PRDM10: variants seen among roughly 807,000 people sequenced by gnomAD.
PRDM10 encodes the protein PR/SET domain 10.
PRDM10 carries 65 observed loss-of-function variants against 133.1 expected under a neutral mutation model. That is an observed-to-expected ratio of 0.49 (90% confidence interval 0.40 to 0.60). The LOEUF is 0.60. PRDM10 is among the 20% of genes least tolerant of loss of function. The pLI, the probability that PRDM10 is intolerant of heterozygous loss-of-function variation, is 0.00. For synonymous variants in PRDM10, 582 were observed against 580.4 expected (o/e 1.00, Z -0.04); for missense variants, 1,137 against 1,507.1 (o/e 0.75, Z 4.07).
At chr11:129,970,931 C>T (rs1952007597) in intron 1 of PRDM10, among the ~76,000 whole-genome samples, 2 of 152,152 alleles carry the variant, frequency 1.3e-5, no homozygotes, top group South Asian at 4.1e-4. Context: ...TCACTTGTCA[C>T]ATCCTAAAGC....
chr11:129,916,806 T>C (rs546718877), intron 15 of PRDM10, among the ~76,000 whole-genome samples: 37 of 152,330 alleles, frequency 2.4e-4, no homozygotes, highest in African/African-American at 8.9e-4. Context: ...TAGGTCATGA[T>C]AAATGCTCTC....
chr11:129,932,479 C>G (rs146576968), intron 9 of PRDM10, among the ~76,000 whole-genome samples: 1 of 152,296 alleles, frequency 6.6e-6, no homozygotes, highest in African/African-American at 2.4e-5. Flanking sequence ...AAATTCAAAG[C>G]ACTGACAATA....
At chr11:129,989,685 G>A (rs1938626073) in intron 1 of PRDM10, among the ~76,000 whole-genome samples, 1 of 152,124 alleles carries the variant, frequency 6.6e-6, no homozygotes, top group South Asian at 2.1e-4. Context: ...TAAGTAGTAA[G>A]CTGTTTCCTC....
Position 129,925,080 on chromosome 11 carries a change from G to T in PRDM10, c.1680C>A (p.Leu560=). 3.1e-6 allele frequency: 5 copies of T among 1,614,232 alleles called. No individual in the cohort carries two copies. Among genetic ancestry groups the T allele is most frequent in the Non-Finnish European group, 4.2e-6 (5 of 1,180,044 alleles). ...TGCTGCTGATGAAGCCCTTGTTACA[G>T]AGATCACAGGTCAGTGGGCAGTTCC... is the stretch of plus-strand genomic sequence containing the variant. ...REGNCPLTCD[L]CNKGFISSTS... is the part of the protein sequence containing the mutation. The change falls in exon 12 of 21, where the codon CTC becomes CTA. Residue 560 remains leucine, a synonymous_variant. Transcript: ENST00000360871.
chr11:129,984,515 G>A (rs529956448), intron 1 of PRDM10, among the ~76,000 whole-genome samples: 2 of 151,596 alleles, frequency 1.3e-5, no homozygotes, highest in South Asian at 2.1e-4. Context: ...TCCCTGCCTC[G>A]GCCTCGGCCC....
At chr11:129,995,015 A>G (rs1455412102) in intron 1 of PRDM10, among the ~76,000 whole-genome samples, 1 of 152,246 alleles carries the variant, frequency 6.6e-6, no homozygotes, top group African/African-American at 2.4e-5. Flanking sequence ...TTACTATGAC[A>G]TAATTTCATT....
chr11:129,931,899 C>A (rs1950880843), intron 10 of PRDM10, among the ~76,000 whole-genome samples: 1 of 152,186 alleles, frequency 6.6e-6, no homozygotes, highest in Non-Finnish European at 1.5e-5. Context: ...TTTAGAGCAG[C>A]AAAGTTGGGT....
At chr11:129,979,709 T>C (rs7111894) in intron 1 of PRDM10, among the ~76,000 whole-genome samples, 28,081 of 152,126 alleles carry the variant, frequency 0.18, 2,820 homozygotes, top group African/African-American at 0.27. Context: ...GCTCACATCC[T>C]CATCCCTTCC....
rs761665298 is a variant in PRDM10, at chr11:129,914,734, G to C, written c.2811C>G (p.His937Gln). The C allele has an allele frequency of 6.2e-7, 1 of 1,614,258 alleles. No homozygotes were observed. Among genetic ancestry groups the C allele is most frequent in the South Asian group, 1.1e-5 (1 of 91,090 alleles). ...CCACTTGAACCACTTGCAGCTGTAT[G>C]TGCTGAGGCTGCTGGAGGCCAGACG... is the stretch of plus-strand genomic sequence containing the variant. ...QSASGLQQPQ[H>Q]IQLQVVQVAS... Residue 937 changes from histidine (H) to glutamine (Q), a missense_variant, in exon 17 of 21, where the codon CAC (histidine) becomes CAG (glutamine). By Grantham distance (24) the His-to-Gln change is conservative. Transcript: ENST00000360871.
At chr11:129,955,769 G>A (rs948906961) in intron 3 of PRDM10, among the ~76,000 whole-genome samples, 198 bp from the exon 4 acceptor site, 2 of 152,210 alleles carry the variant, frequency 1.3e-5, no homozygotes, top group African/African-American at 4.8e-5. Context: ...TGGCTCCAAA[G>A]AGATTGTATA....
chr11:129,944,454 G>A (rs895160103), intron 6 of PRDM10, among the ~76,000 whole-genome samples: 16 of 151,908 alleles, frequency 1.1e-4, no homozygotes, highest in East Asian at 1.9e-4. Flanking sequence ...GCGTGGTGGC[G>A]GGCGCCTGTA....
rs761392814 is a variant in PRDM10, at chr11:129,912,133, C to G, written c.2934G>C (p.Gln978His). ...CGGTAGGCTCGCTGACCTGGATGTG[C>G]TGCACCTGGATGGCGTGCTGGGGGT... Reference protein sequence around the residue: ...QPYPQHAIQVQHIQVSEPTAS... With the variant: ...QPYPQHAIQVHHIQVSEPTAS... The change falls in exon 18 of 21, where the codon CAG (glutamine) becomes CAC (histidine). Residue 978 changes from glutamine to histidine, a missense_variant. Transcript: ENST00000360871. 1.2e-6 allele frequency: 2 copies of G among 1,613,202 alleles called. No individual in the cohort carries two copies. The highest frequency in any genetic ancestry group is 1.7e-5 in the Admixed American group (1 of 59,948).
chr11:129,943,909 C>A (rs1951301644), intron 6 of PRDM10, among the ~76,000 whole-genome samples: 1 of 152,118 alleles, frequency 6.6e-6, no homozygotes, highest in African/African-American at 2.4e-5. Context: ...AGGAGAATCG[C>A]TTGAACCTGG....
chr11:129,918,781 G>A lies in PRDM10; in HGVS notation c.2035-63C>T, dbSNP rs2135759761. The A allele has an allele frequency of 7.0e-7, 1 of 1,436,308 alleles. No homozygotes were observed. Among genetic ancestry groups the A allele is most frequent in the Non-Finnish European group, 9.5e-7 (1 of 1,051,758 alleles). The allele number at this position is 1,436,308 out of a possible 1,614,324, so 89.0% of individuals were successfully genotyped here. A position where few individuals can be genotyped will look rare whatever the true frequency, so the allele number is the denominator to read the frequency against. ...GGGGTAGAAAATTTTTAACTGAAGGGATCATTTTAAAAATCAATACAAATT... is the reference window on the plus strand; with the variant it reads ...GGGGTAGAAAATTTTTAACTGAAGGAATCATTTTAAAAATCAATACAAATT... On this transcript the variant is annotated intron_variant, in intron 13 of 20. Coordinates refer to ENST00000360871, the MANE Select transcript of PRDM10 (RefSeq NM_199437.2). This position sits in a 1 kb window ranked among gnomAD's most constrained non-coding sequence, Gnocchi z 5.3.
At chr11:129,978,390 A>C (rs1012754087) in intron 1 of PRDM10, among the ~76,000 whole-genome samples, 2 of 152,220 alleles carry the variant, frequency 1.3e-5, no homozygotes, top group African/African-American at 4.8e-5. Context: ...TGCTTCTGAT[A>C]TGAGACTGAG....
Position 129,918,816 on chromosome 11 carries a change from C to T in PRDM10, c.2035-98G>A. ...AAAATCAATACAAATTAGCAGTCAC[C>T]ACAAGCCTCCAAGAGACATTTGAGT... On this transcript the variant is annotated intron_variant, in intron 13 of 20. Coordinates refer to ENST00000360871, the MANE Select transcript of PRDM10 (RefSeq NM_199437.2). The surrounding 1 kb of genome is among the most constrained non-coding windows in gnomAD (Gnocchi z 5.3). The T allele has an allele frequency of 8.2e-7, 1 of 1,223,892 alleles. No individual in the cohort carries two copies. The highest frequency in any genetic ancestry group is 1.5e-5 in the South Asian group (1 of 68,528). 75.8% of individuals were successfully genotyped at this position (1,223,892 alleles called of 1,614,324 possible). A position where few individuals can be genotyped will look rare whatever the true frequency, so the allele number is the denominator to read the frequency against.
At chr11:129,998,780 G>A (rs1939192204) in intron 1 of PRDM10, among the ~76,000 whole-genome samples, 1 of 151,296 alleles carries the variant, frequency 6.6e-6, no homozygotes, top group Admixed American at 6.6e-5. Context: ...TGGCCAGAGT[G>A]CTCCACACAA....
At chr11:130,002,424 C>A (rs1939471836) in intron 1 of PRDM10, among the ~76,000 whole-genome samples, 1 of 152,124 alleles carries the variant, frequency 6.6e-6, no homozygotes, top group Non-Finnish European at 1.5e-5. Flanking sequence ...GGGGGCCTTG[C>A]CCTCTTCCCC....
At chr11:129,920,408 G>A (rs918980523) in intron 13 of PRDM10, among the ~76,000 whole-genome samples, 9 of 152,082 alleles carry the variant, frequency 5.9e-5, no homozygotes, top group Non-Finnish European at 1.2e-4. Flanking sequence ...ATTCCTTGCT[G>A]TCCACCCTTC....
Sources: gnomAD v4.1 joint callset for allele counts (sites outside exome capture counted in the v4.1 genomes callset) on GRCh38, gnomAD v4.1.1 for gene constraint, Gnocchi (gnomAD v3.1) non-coding constraint, MANE v1.5 for transcripts, NCBI Gene and HGNC (gene_info 2026-07-23, HGNC 2026-07-21) for gene names.